Variants in CPNE4 observed in about 807,000 individuals in gnomAD.
CPNE4 encodes copine-4.
A neutral mutation model predicts 67.9 loss-of-function variants in CPNE4; 25 were observed. The observed-to-expected ratio is 0.37, with a 90% CI of 0.27 to 0.51. CPNE4 has a LOEUF of 0.51. Among genes scored for constraint, CPNE4 ranks in the 20% least tolerant of loss-of-function variants. The probability of loss-of-function intolerance (pLI) is 0.93; values close to 1 mark genes in which losing one functional copy is unlikely to be tolerated. For missense variants in CPNE4, 464 were observed against 690.8 expected (o/e 0.67, Z 3.68); for synonymous variants, 242 against 244.9 (o/e 0.99, Z 0.11).
chr3:131,952,738 G>T (rs1190244738), intron 1 of CPNE4, among the ~76,000 whole-genome samples: 1 of 152,146 alleles, frequency 6.6e-6, no homozygotes, highest in Non-Finnish European at 1.5e-5. Flanking sequence ...CGTCTGGGAG[G>T]TGTACCCAAC....
At chr3:131,889,813 G>A (rs1295894901) in intron 2 of CPNE4, among the ~76,000 whole-genome samples, 1 of 152,114 alleles carries the variant, frequency 6.6e-6, no homozygotes, top group East Asian at 1.9e-4. Flanking sequence ...GCTGATCTTC[G>A]ATAAGGGTGC....
At chr3:131,754,311 T>G (rs1425262335) in intron 2 of CPNE4, among the ~76,000 whole-genome samples, 1 of 151,940 alleles carries the variant, frequency 6.6e-6, no homozygotes, top group Non-Finnish European at 1.5e-5. Flanking sequence ...TTATTTACAT[T>G]TGAATAGGAA....
At chr3:131,777,381 T>TTG in intron 2 of CPNE4, among the ~76,000 whole-genome samples, 1 of 93,554 alleles carries the variant, frequency 1.1e-5, no homozygotes. Context: ...TTTCAAGGTT[T>TTG]TTTTTTTTTT....
At chr3:131,615,933 A>ACG (rs1277355524) in intron 7 of CPNE4, among the ~76,000 whole-genome samples, 3 of 130,600 alleles carry the variant, frequency 2.3e-5, no homozygotes, top group African/African-American at 8.5e-5. Flanking sequence ...ACACACGCAC[A>ACG]CACACACACA....
chr3:131,578,102 A>G (rs532203441), intron 9 of CPNE4, among the ~76,000 whole-genome samples: 23 of 152,118 alleles, frequency 1.5e-4, no homozygotes, highest in African/African-American at 5.5e-4. Context: ...ATTGAGCTTT[A>G]TATTTTTTAC....
intron 2 of CPNE4, among the ~76,000 whole-genome samples, chr3:131,769,245 T>A (rs2083103034): frequency 6.6e-6 from 1 of 152,104 alleles, no homozygotes; most frequent in Non-Finnish European, 1.5e-5. Flanking sequence ...GCTATACAAG[T>A]GAAATTAAGA....
chr3:131,546,104 CT>C (rs1419093700), intron 14 of CPNE4, among the ~76,000 whole-genome samples: 3 of 152,016 alleles, frequency 2.0e-5, no homozygotes, highest in African/African-American at 7.2e-5. Flanking sequence ...CAAAAAACCA[CT>C]TCTGAGAAGG....
intron 2 of CPNE4, among the ~76,000 whole-genome samples, chr3:131,835,068 C>T (rs1235599057): frequency 1.3e-5 from 2 of 152,202 alleles, no homozygotes; most frequent in Non-Finnish European, 2.9e-5. Flanking sequence ...CCTGGATACA[C>T]TTAAAGCACT....
chr3:131,722,238 G>T (rs1371406420), intron 3 of CPNE4, among the ~76,000 whole-genome samples: 1 of 152,016 alleles, frequency 6.6e-6, no homozygotes, highest in East Asian at 1.9e-4. Context: ...CCCTTACCTT[G>T]ACAGGAGGTG....
intron 6 of CPNE4, among the ~76,000 whole-genome samples, chr3:131,680,375 A>T (rs185385360): frequency 7.3e-5 from 11 of 151,418 alleles, no homozygotes; most frequent in Non-Finnish European, 1.5e-4. Context: ...AAAACCCATT[A>T]TTTTCAACTG....
At chr3:131,595,747 T>C (rs1160953278) in intron 7 of CPNE4, among the ~76,000 whole-genome samples, 2 of 152,184 alleles carry the variant, frequency 1.3e-5, no homozygotes, top group Non-Finnish European at 2.9e-5. Flanking sequence ...TCCACCCCTA[T>C]GACCCAAACA....
chr3:131,591,405 C>G (rs950139815), intron 7 of CPNE4, among the ~76,000 whole-genome samples: 1 of 152,080 alleles, frequency 6.6e-6, no homozygotes, highest in African/African-American at 2.4e-5. Context: ...CTTTAGGGGA[C>G]AGGGCACACA....
chr3:131,542,417 C>T, intron 15 of CPNE4, 140 bp downstream of exon 15: 2 of 697,728 alleles, frequency 2.9e-6, no homozygotes, highest in Non-Finnish European at 2.6e-6. Flanking sequence ...GGTCATCTCC[C>T]ACAGCAAGGG....
At chr3:131,752,290 G>A (rs1290880747) in intron 2 of CPNE4, among the ~76,000 whole-genome samples, 1 of 152,150 alleles carries the variant, frequency 6.6e-6, no homozygotes, top group Non-Finnish European at 1.5e-5. Context: ...GGGCAGGGGT[G>A]GAGCCACAAT....
intron 1 of CPNE4, among the ~76,000 whole-genome samples, chr3:131,976,799 C>T (rs2072667219): frequency 6.8e-6 from 1 of 146,232 alleles, no homozygotes. Flanking sequence ...CATTATCATT[C>T]TTTTTTTTTT....
intron 1 of CPNE4, among the ~76,000 whole-genome samples, chr3:132,027,520 CA>C (rs36060387): frequency 0.67 from 101,841 of 151,740 alleles, 34,959 homozygotes; most frequent in South Asian, 0.75. Flanking sequence ...GCCTTTTCTC[CA>C]ATACAATTCA....
chr3:131,689,303 G>A (rs1257043273), intron 5 of CPNE4, among the ~76,000 whole-genome samples: 2 of 152,200 alleles, frequency 1.3e-5, no homozygotes, highest in East Asian at 3.9e-4. Context: ...GGTACACGGT[G>A]AAGACTGAAA....
intron 1 of CPNE4, among the ~76,000 whole-genome samples, chr3:131,968,184 T>G (rs2107939474): frequency 6.6e-6 from 1 of 152,288 alleles, no homozygotes; most frequent in East Asian, 1.9e-4. Flanking sequence ...GACCCCTTCC[T>G]TACACCTTAT....
chr3:131,712,892 T>G (rs190152229), intron 3 of CPNE4, among the ~76,000 whole-genome samples: 45 of 152,348 alleles, frequency 3.0e-4, no homozygotes, highest in African/African-American at 1.1e-3. Flanking sequence ...TTACAGCCAG[T>G]ACTTCTGAGC....
Sources: gnomAD v4.1 joint callset for allele counts (sites outside exome capture counted in the v4.1 genomes callset) on GRCh38, gnomAD v4.1.1 for gene constraint, MANE v1.5 for transcripts, NCBI Gene and HGNC (gene_info 2026-07-23, HGNC 2026-07-21) for gene names.